NAALADL2: variants seen among roughly 807,000 people sequenced by gnomAD.
The protein encoded by NAALADL2 is N-acetylated alpha-linked acidic dipeptidase like 2.
NAALADL2 carries 76 observed loss-of-function variants against 87.2 expected under a neutral mutation model. That is an observed-to-expected ratio of 0.87 (90% CI 0.72 to 1.05). The LOEUF (loss-of-function observed/expected upper bound fraction) is 1.05. Among genes scored for constraint, NAALADL2 ranks in the 50% least tolerant of loss-of-function variants. The pLI, the probability that NAALADL2 is intolerant of heterozygous loss-of-function variation, is 0.00. For synonymous variants in NAALADL2, 354 were observed against 331.0 expected, an observed-to-expected ratio of 1.07 and a Z score of -0.75; for missense variants, 1,089 against 945.8, an observed-to-expected ratio of 1.15 and a Z score of -1.99.
intron 4 of NAALADL2, among the ~76,000 whole-genome samples, chr3:175,296,576 G>A (rs1409977190): frequency 6.6e-6 from 1 of 152,072 alleles, no homozygotes; most frequent in Admixed American, 6.6e-5. Context: ...AAGAGGACCA[G>A]TATCTCCACC....
At chr3:175,453,441 C>T (rs892102844) in intron 6 of NAALADL2, among the ~76,000 whole-genome samples, 2 of 152,156 alleles carry the variant, frequency 1.3e-5, no homozygotes, top group Admixed American at 1.3e-4. Context: ...GTTGTAAAGG[C>T]CCATTACCCT....
intron 1 of NAALADL2, among the ~76,000 whole-genome samples, chr3:174,916,038 C>A (rs1734333802): frequency 6.6e-6 from 1 of 151,892 alleles, no homozygotes; most frequent in Non-Finnish European, 1.5e-5. Context: ...AGAAAGTAAT[C>A]CCATGAAAAA....
At chr3:175,568,147 G>A (rs1717512188) in intron 9 of NAALADL2, among the ~76,000 whole-genome samples, 1 of 148,858 alleles carries the variant, frequency 6.7e-6, no homozygotes. Flanking sequence ...GAGATATTTT[G>A]TTTATGAGAA....
At chr3:175,795,068 C>G (rs916358752) in intron 13 of NAALADL2, among the ~76,000 whole-genome samples, 1 of 152,110 alleles carries the variant, frequency 6.6e-6, no homozygotes, top group Admixed American at 6.5e-5. Context: ...GGGGCTCTAC[C>G]CTCATGACCG....
intron 1 of NAALADL2, among the ~76,000 whole-genome samples, chr3:175,001,719 GA>G (rs201859940): frequency 4.4e-4 from 66 of 150,560 alleles, no homozygotes; most frequent in African/African-American, 1.5e-3. Flanking sequence ...TATTCCACGT[GA>G]AAAAAAAATC....
chr3:175,718,223 T>TTTTTTTTTTTTG, intron 11 of NAALADL2: 38 of 1,009,312 alleles, frequency 3.8e-5, no homozygotes, highest in Non-Finnish European at 4.9e-5. Context: ...TTTTTTTTTT[T>TTTTTTTTTTTTG]GATTAGTTGC....
At chr3:175,399,781 A>C (rs980203528) in intron 5 of NAALADL2, among the ~76,000 whole-genome samples, 8 of 152,130 alleles carry the variant, frequency 5.3e-5, no homozygotes, top group African/African-American at 1.9e-4. Context: ...AATGCAGCCC[A>C]GAAGGTCTCA....
In NAALADL2 at chr3:174,882,809, G is replaced by A. The variant is rs13327572; in HGVS notation, c.43+23359G>A. ...TGTGTATATATACACGTGTGTATAT[G>A]TGCATATGTGTATATATACACGTGT... On this transcript the variant is annotated intron_variant, in intron 1 of 13. Transcript: ENST00000454872. 6.4e-3 allele frequency among the ~76,000 whole-genome samples: 585 copies of A among 91,728 alleles called. 6 individuals are homozygous for A. Among genetic ancestry groups the A allele is most frequent in the African/African-American group, 0.043 (556 of 12,784 alleles). The allele number at this position is 91,728 out of a possible 152,430, so 60.2% of individuals were successfully genotyped here.
chr3:174,447,289 T>G (rs1319874246), intron 1 of NAALADL2, among the ~76,000 whole-genome samples: 4 of 152,176 alleles, frequency 2.6e-5, no homozygotes, highest in African/African-American at 4.8e-5. Flanking sequence ...TAGGCCAGTC[T>G]GAATGATTTG....
At chr3:175,025,273 T>C (rs1279080657) in intron 1 of NAALADL2, among the ~76,000 whole-genome samples, 1 of 152,158 alleles carries the variant, frequency 6.6e-6, no homozygotes, top group East Asian at 1.9e-4. Context: ...GTATGCATTT[T>C]ATATTTTGTC....
At chr3:175,449,987 A>G (rs1298438999) in intron 6 of NAALADL2, among the ~76,000 whole-genome samples, 2 of 152,190 alleles carry the variant, frequency 1.3e-5, no homozygotes, top group African/African-American at 2.4e-5. Flanking sequence ...TTATTTTTTA[A>G]AATACAGAAT....
intron 1 of NAALADL2, among the ~76,000 whole-genome samples, chr3:174,984,575 A>C (rs1745572697): frequency 6.6e-6 from 1 of 152,316 alleles, no homozygotes; most frequent in African/African-American, 2.4e-5. Flanking sequence ...AAAAATCTTT[A>C]GCTGATTCTG....
At chr3:175,425,497 C>A (rs904563141) in intron 5 of NAALADL2, among the ~76,000 whole-genome samples, 2 of 151,896 alleles carry the variant, frequency 1.3e-5, no homozygotes, top group African/African-American at 4.8e-5. Context: ...AATAGGTTTA[C>A]CCAGGACAAA....
intron 4 of NAALADL2, among the ~76,000 whole-genome samples, chr3:175,314,694 A>ATATATATATATATATAGTTCTAAC (rs1758883544): frequency 3.6e-5 from 3 of 82,750 alleles, no homozygotes; most frequent in African/African-American, 1.5e-4. Flanking sequence ...ATATATATAT[A>ATATATATATATATATAGTTCTAAC]TATATATATA....
At chr3:174,590,465 T>G (rs1717242481) in intron 2 of NAALADL2, among the ~76,000 whole-genome samples, 1 of 152,180 alleles carries the variant, frequency 6.6e-6, no homozygotes, top group South Asian at 2.1e-4. Context: ...AATCTAAATG[T>G]TTTAAAAGCT....
At chr3:174,481,293 A>G (rs144724883) in intron 1 of NAALADL2, among the ~76,000 whole-genome samples, 1 of 152,204 alleles carries the variant, frequency 6.6e-6, no homozygotes, top group East Asian at 1.9e-4. Flanking sequence ...AAGCCGCCAT[A>G]TATTCCTGAG....
Position 175,677,340 on chromosome 3 carries a change from C to T in NAALADL2, c.1896+49954C>T, listed in dbSNP as rs965062071. 2.0e-5 allele frequency among the ~76,000 whole-genome samples: 3 copies of T among 151,362 alleles called. No homozygotes were observed. In the East Asian group the frequency reaches 5.8e-4, roughly 29 times the overall value. On this transcript the variant is annotated intron_variant, in intron 11 of 13. Transcript: ENST00000454872. ...ATCGTGCCCTTGCACTCCAGCCTGG[C>T]AACAGAGTGAGACTCTGTCAAAAAA...
At chr3:175,703,601 G>T (rs1241795458) in intron 11 of NAALADL2, among the ~76,000 whole-genome samples, 1 of 152,060 alleles carries the variant, frequency 6.6e-6, no homozygotes, top group South Asian at 2.1e-4. Context: ...AAATTAGTCA[G>T]GAGCGGTGGC....
At chr3:175,607,288 A>T (rs1281418799) in intron 10 of NAALADL2, among the ~76,000 whole-genome samples, 1 of 152,322 alleles carries the variant, frequency 6.6e-6, no homozygotes, top group African/African-American at 2.4e-5. Flanking sequence ...ATTCATTGTT[A>T]CATTTTATTG....
Sources: allele counts gnomAD v4.1 joint callset (sites outside exome capture counted in the v4.1 genomes callset), GRCh38; gene constraint gnomAD v4.1.1; transcripts MANE v1.5; gene names NCBI Gene and HGNC (gene_info 2026-07-23, HGNC 2026-07-21).